Variants in B3GALNT2 observed in about 807,000 individuals in gnomAD.
The protein encoded by B3GALNT2 is UDP-GalNAc:beta-1,3-N-acetylgalactosaminyltransferase 2.
In B3GALNT2, 53 loss-of-function variants were observed where a neutral mutation model predicts 61.1. That is an observed-to-expected ratio of 0.87 (90% CI 0.70 to 1.09). The LOEUF is 1.09. Ranked by LOEUF, B3GALNT2 falls within the 50% of genes least tolerant of loss-of-function variation. The pLI is 0.00. For missense variants in B3GALNT2, 544 were observed against 623.0 expected (o/e 0.87, Z 1.35); for synonymous variants, 223 against 237.4 (o/e 0.94, Z 0.56).
chr1:235,450,114 C>A lies in B3GALNT2; in HGVS notation c.*92G>T. ...TCTGGAACTCTCTTGAAAGACCATA[C>A]AGTCTACTGCTAAACCCTGGGACTC... is the stretch of plus-strand genomic sequence containing the variant. On this transcript the variant is annotated 3_prime_UTR_variant, in exon 12 of 12. Coordinates refer to ENST00000366600, the MANE Select transcript of B3GALNT2 (RefSeq NM_152490.5). The A allele has an allele frequency of 6.8e-7, 1 of 1,469,070 alleles. No homozygotes were observed. Among genetic ancestry groups the A allele is most frequent in the Non-Finnish European group, 9.4e-7 (1 of 1,060,698 alleles). 91.0% of individuals were successfully genotyped at this position (1,469,070 alleles called of 1,614,324 possible). A position where few individuals can be genotyped will look rare whatever the true frequency, so the allele number is the denominator to read the frequency against.
the B3GALNT2 span, chr1:235,441,107 G>T: frequency 1.3e-5 from 2 of 152,720 alleles, no homozygotes; most frequent in Non-Finnish European, 2.9e-5. Flanking sequence ...TAAATCACTC[G>T]GGGGTGGGCA....
At chr1:235,468,116 T>A (rs917136046) in intron 6 of B3GALNT2, among the ~76,000 whole-genome samples, 2 of 152,212 alleles carry the variant, frequency 1.3e-5, no homozygotes, top group Admixed American at 1.3e-4. Flanking sequence ...CTATATTGTT[T>A]TGGCTTTAGA....
At chr1:235,493,777 A>AAC (rs1455587352) in intron 2 of B3GALNT2, among the ~76,000 whole-genome samples, 2 of 148,134 alleles carry the variant, frequency 1.4e-5, no homozygotes, top group African/African-American at 4.9e-5. Context: ...CTCCATCTCA[A>AAC]AAAAAAAAAA....
chr1:235,441,736 C>CTTTGTTTG, the B3GALNT2 span: 25 of 1,363,716 alleles, frequency 1.8e-5, no homozygotes, highest in East Asian at 5.8e-4. Flanking sequence ...CTTACCTATC[C>CTTTGTTTG]TTTGTTTGTT....
At chr1:235,474,460 A>G (rs938193010) in intron 5 of B3GALNT2, among the ~76,000 whole-genome samples, 1 of 152,172 alleles carries the variant, frequency 6.6e-6, no homozygotes, top group African/African-American at 2.4e-5. Context: ...CTGTGCCTAT[A>G]AACATTAACA....
At chr1:235,446,980 T>C (rs979793587), downstream of B3GALNT2, among the ~76,000 whole-genome samples, 6 of 152,268 alleles carry the variant, frequency 3.9e-5, no homozygotes, top group South Asian at 8.3e-4. Context: ...AGATTTCTTA[T>C]TAGAACTGTT....
intron 3 of B3GALNT2, among the ~76,000 whole-genome samples, chr1:235,487,268 T>C (rs148117872): frequency 1.9e-3 from 285 of 152,180 alleles, no homozygotes; most frequent in African/African-American, 6.6e-3. Flanking sequence ...TTCACAGACA[T>C]CCTAAGTAAG....
intron 5 of B3GALNT2, among the ~76,000 whole-genome samples, chr1:235,475,650 T>C (rs1005915632): frequency 2.0e-5 from 3 of 152,140 alleles, no homozygotes; most frequent in Non-Finnish European, 2.9e-5. Flanking sequence ...TCAACACAAA[T>C]AGAATTTTGT....
chr1:235,503,576 C>T (rs1323864453), intron 1 of B3GALNT2, among the ~76,000 whole-genome samples: 1 of 152,232 alleles, frequency 6.6e-6, no homozygotes, highest in Non-Finnish European at 1.5e-5. Flanking sequence ...TATTTCATGT[C>T]TAGATTTGTT....
chr1:235,474,352 G>A (rs978697429), intron 5 of B3GALNT2, among the ~76,000 whole-genome samples: 25 of 152,254 alleles, frequency 1.6e-4, no homozygotes, highest in African/African-American at 5.8e-4. Flanking sequence ...CATAACATAA[G>A]CAAGCTGTCT....
intron 4 of B3GALNT2, among the ~76,000 whole-genome samples, chr1:235,480,836 G>GT (rs1684525924): frequency 7.2e-6 from 1 of 139,152 alleles, no homozygotes; most frequent in African/African-American, 2.6e-5. Flanking sequence ...AACCCAGGAG[G>GT]TGGAGGCTGC....
chr1:235,469,038 G>A (rs1439878537), intron 6 of B3GALNT2, among the ~76,000 whole-genome samples: 3 of 151,966 alleles, frequency 2.0e-5, no homozygotes, highest in African/African-American at 7.3e-5. Context: ...TCCTAAACAT[G>A]GCCTACAAAT....
intron 8 of B3GALNT2, among the ~76,000 whole-genome samples, chr1:235,457,911 T>C (rs1033346549): frequency 4.6e-5 from 7 of 151,514 alleles, no homozygotes; most frequent in African/African-American, 7.3e-5. Flanking sequence ...TTTTTTTTTT[T>C]TTTCTTTTTT....
At chr1:235,452,922 T>C (rs1457512800) in intron 11 of B3GALNT2, among the ~76,000 whole-genome samples, 168 bp downstream of exon 11, 1 of 152,214 alleles carries the variant, frequency 6.6e-6, no homozygotes, top group Non-Finnish European at 1.5e-5. Context: ...ATTTTCAGAT[T>C]TGGAATGTGC....
At chr1:235,464,520 T>C (rs1305557) in intron 7 of B3GALNT2, 74,512 of 149,172 alleles carry the variant, frequency 0.5, 19,054 homozygotes, top group East Asian at 0.66. Context: ...CCACATCTAG[T>C]TCATATACCA....
At chr1:235,451,335 C>T (rs1242641257) in intron 11 of B3GALNT2, 2 of 151,964 alleles carry the variant, frequency 1.3e-5, no homozygotes, top group African/African-American at 2.4e-5. Flanking sequence ...CCCAACAGTT[C>T]CAAGCCAAAA....
At chr1:235,462,007 G>A (rs1683457730) in intron 7 of B3GALNT2, among the ~76,000 whole-genome samples, 1 of 152,202 alleles carries the variant, frequency 6.6e-6, no homozygotes, top group Non-Finnish European at 1.5e-5. Flanking sequence ...GTGGGCTAAT[G>A]TAAGTGTCCT....
chr1:235,474,970 TATATATATATA>T lies in B3GALNT2; in HGVS notation c.652-4021_652-4011del, dbSNP rs1168279623. ...AGAGACATATATATATATATATATA[TATATATATATA>T]TATATATTTTTTTTTTTTTTTTTTT... On this transcript the variant is annotated intron_variant, in intron 5 of 11. Coordinates refer to ENST00000366600, the MANE Select transcript of B3GALNT2 (RefSeq NM_152490.5). Among the ~76,000 whole-genome samples, 137 of 34,492 alleles carry T rather than the reference TATATATATATA, an allele frequency of 4.0e-3. 3 individuals are homozygous for T. The highest frequency in any genetic ancestry group is 9.8e-3 in the Middle Eastern group (1 of 102). The allele number at this position is 34,492 out of a possible 152,430, so 22.6% of individuals were successfully genotyped here.
chr1:235,503,928 G>T (rs1185508846), intron 1 of B3GALNT2, among the ~76,000 whole-genome samples: 5 of 152,260 alleles, frequency 3.3e-5, no homozygotes, highest in African/African-American at 4.8e-5. Flanking sequence ...AAACGGGGAA[G>T]TGAGAAGAGG....
Sources: gnomAD v4.1 joint callset for allele counts (sites outside exome capture counted in the v4.1 genomes callset) on GRCh38, gnomAD v4.1.1 for gene constraint, MANE v1.5 for transcripts, NCBI Gene and HGNC (gene_info 2026-07-23, HGNC 2026-07-21) for gene names.